RDH8: variants seen among roughly 807,000 people sequenced by gnomAD.
RDH8 encodes the protein retinol dehydrogenase 8.
In RDH8, 14 loss-of-function variants were observed where a neutral mutation model predicts 22.3. The observed-to-expected ratio is 0.63, with a 90% CI of 0.42 to 0.98. The LOEUF (loss-of-function observed/expected upper bound fraction) is 0.98, where lower values mean the gene tolerates loss of function less well. Ranked by LOEUF, RDH8 falls within the 50% of genes least tolerant of loss-of-function variation. The pLI is 0.00. For synonymous variants in RDH8, 175 were observed against 171.7 expected (o/e 1.02, Z -0.15); for missense variants, 389 against 409.8 (o/e 0.95, Z 0.44).
At position 10,016,689 on chromosome 19, in the gene RDH8, C is replaced by T. The variant is rs534305032; in HGVS notation, c.104-368C>T. On this transcript the variant is annotated intron_variant, in intron 1 of 5. Coordinates refer to ENST00000591589, the MANE Select transcript of RDH8 (RefSeq NM_015725.4). ...ATCTCGCTATACTTCCCAGGCTGGT[C>T]TCAAACTCCTGGGGTCAAGCAATCC... 5.3e-5 allele frequency among the ~76,000 whole-genome samples: 8 copies of T among 151,812 alleles called. No homozygotes were observed. In the East Asian group the frequency reaches 1.6e-3, roughly 30 times the overall value.
chr19:10,015,707 T>G (rs929773637), intron 1 of RDH8, among the ~76,000 whole-genome samples: 12 of 151,532 alleles, frequency 7.9e-5, no homozygotes, highest in Non-Finnish European at 1.5e-4. Flanking sequence ...CCCAGCACTT[T>G]GGGAGGATGA....
intron 1 of RDH8, among the ~76,000 whole-genome samples, chr19:10,014,487 C>T (rs1345589830): frequency 3.3e-5 from 5 of 152,148 alleles, no homozygotes; most frequent in Non-Finnish European, 7.4e-5. Context: ...TCATTTAATC[C>T]TCACATCACA....
intron 1 of RDH8, among the ~76,000 whole-genome samples, chr19:10,014,754 C>G (rs928174536): frequency 2.0e-5 from 3 of 152,150 alleles, no homozygotes; most frequent in Non-Finnish European, 4.4e-5. Context: ...CCAGACCGGT[C>G]TCGAACTCCT....
chr19:10,016,458 C>T (rs1427618202), intron 1 of RDH8, among the ~76,000 whole-genome samples: 1 of 147,152 alleles, frequency 6.8e-6, no homozygotes, highest in Non-Finnish European at 1.5e-5. Context: ...CCAGGCCGCC[C>T]GGCCTTATTT....
chr19:10,020,984 C>A, intron 4 of RDH8, 182 bp downstream of exon 4: 1 of 637,082 alleles, frequency 1.6e-6, no homozygotes, highest in Non-Finnish European at 2.7e-6. Flanking sequence ...CCAGCCTGGG[C>A]AACATAGCGA....
Position 10,018,753 on chromosome 19 carries a change from GGT to G in RDH8, c.287_288del (p.Val96GlyfsTer16). On this transcript the variant is annotated frameshift_variant, in exon 3 of 6. Transcript: ENST00000591589. LOFTEE classifies it high-confidence loss of function. ...TAGTGAATAATGCTGGAATGGGCCT[GGT>G]GGGGCCCCTGGAGGGGCTCAGCCTT... The part of the protein sequence containing the change: ...VLVNNAGMGL[V>X]GPLEGLSLAA... 6.2e-7 allele frequency: 1 copy of G among 1,611,530 alleles called. No homozygotes were observed. Among genetic ancestry groups the G allele is most frequent in the Non-Finnish European group, 8.5e-7 (1 of 1,178,398 alleles).
intron 2 of RDH8, among the ~76,000 whole-genome samples, chr19:10,017,928 G>A (rs1344153622): frequency 1.3e-5 from 2 of 151,496 alleles, no homozygotes; most frequent in East Asian, 3.9e-4. Flanking sequence ...TTACAGGCAT[G>A]CACCACCACA....
At chr19:10,018,978 C>G in intron 3 of RDH8, 68 bp downstream of exon 3, 1 of 1,334,152 alleles carries the variant, frequency 7.5e-7, no homozygotes, top group Non-Finnish European at 1.0e-6. Context: ...GGGAGGATGG[C>G]GAATGGGTTT....
At chr19:10,019,577 T>C (rs542232392) in intron 3 of RDH8, among the ~76,000 whole-genome samples, 1 of 151,992 alleles carries the variant, frequency 6.6e-6, no homozygotes, top group East Asian at 1.9e-4. Context: ...GGCAGGTGGA[T>C]TACCCAAGAT....
intron 2 of RDH8, 139 bp downstream of exon 2, chr19:10,017,354 C>A: frequency 1.2e-6 from 1 of 864,290 alleles, no homozygotes; most frequent in Non-Finnish European, 1.6e-6. Flanking sequence ...ACCAGTTGGC[C>A]AAGAGGGGTA....
At chr19:10,021,070 G>C (rs933806069) in intron 4 of RDH8, 185 bp from the exon 5 acceptor site, 1 of 649,784 alleles carries the variant, frequency 1.5e-6, no homozygotes, top group Middle Eastern at 4.2e-4. Flanking sequence ...AGCTACTCAG[G>C]AGGCTGAGGC....
At chr19:10,020,340 A>AGGAGGGACGGAGGGAG (rs1447564849) in intron 3 of RDH8, among the ~76,000 whole-genome samples, 1 of 38,576 alleles carries the variant, frequency 2.6e-5, no homozygotes, top group Non-Finnish European at 4.6e-5. Context: ...GAAGGAAGGA[A>AGGAGGGACGGAGGGAG]GGAGGGAGGG....
intron 2 of RDH8, among the ~76,000 whole-genome samples, chr19:10,017,889 G>T (rs2087631315): frequency 6.6e-6 from 1 of 151,438 alleles, no homozygotes; most frequent in African/African-American, 2.4e-5. Flanking sequence ...CAAGTGATCC[G>T]CCCACCTCGA....
chr19:10,020,924 C>A, intron 4 of RDH8, 122 bp downstream of exon 4: 2 of 750,606 alleles, frequency 2.7e-6, no homozygotes, highest in South Asian at 1.6e-5. Context: ...GTAAGTCCAG[C>A]GTTTTGAGAG....
Position 10,021,531 on chromosome 19 carries a change from C to A in RDH8, c.721-3C>A, listed in dbSNP as rs778245456. On this transcript the variant is annotated splice_region_variant and splice_polypyrimidine_tract_variant and intron_variant, in intron 5 of 5. Coordinates refer to ENST00000591589, the MANE Select transcript of RDH8 (RefSeq NM_015725.4). ...CCCAGCGCTCAGGGCCTCCATTCTG[C>A]AGGCCATTGTCAACGTCATCAGCTC... 6.2e-7 allele frequency: 1 copy of A among 1,613,926 alleles called. No homozygotes were observed. The highest frequency in any genetic ancestry group is 8.5e-7 in the Non-Finnish European group (1 of 1,179,972).
chr19:10,020,369 G>GAAGGGAGGGAGGAAGA (rs2087649302), intron 3 of RDH8, among the ~76,000 whole-genome samples: 1 of 138,550 alleles, frequency 7.2e-6, no homozygotes, highest in African/African-American at 2.7e-5. Context: ...AGGAAGGAAG[G>GAAGGGAGGGAGGAAGA]AAGGGAGGGA....
In RDH8 at chr19:10,020,765, G is replaced by C. The variant is rs755753285; in HGVS notation, c.499G>C (p.Glu167Gln). The C allele has an allele frequency of 6.8e-6, 11 of 1,610,978 alleles. No individual in the cohort carries two copies. The highest frequency in any genetic ancestry group is 9.3e-6 in the Non-Finnish European group (11 of 1,178,482). Residue 167 changes from glutamate to glutamine, a missense_variant, in exon 4 of 6, where the codon GAA becomes CAA. Physicochemically the swap from Glu to Gln is conservative, Grantham distance 29. Coordinates refer to ENST00000591589, the MANE Select transcript of RDH8 (RefSeq NM_015725.4). ...CAAGTTCGCCCTGGAGGGATTCTTC[G>C]AAAGCCTCGCTATCCAGCTGCTGCA... Reference protein sequence around the residue: ...ASKFALEGFFESLAIQLLQFN... With the variant: ...ASKFALEGFFQSLAIQLLQFN...
At chr19:10,017,579 C>G (rs904586135) in intron 2 of RDH8, among the ~76,000 whole-genome samples, 9 of 152,142 alleles carry the variant, frequency 5.9e-5, no homozygotes, top group Admixed American at 2.6e-4. Context: ...ATCCCTTGAG[C>G]CCAGGAGTTT....
At chr19:10,015,277 C>A (rs1052147559) in intron 1 of RDH8, among the ~76,000 whole-genome samples, 8 of 151,852 alleles carry the variant, frequency 5.3e-5, no homozygotes, top group African/African-American at 9.7e-5. Context: ...CATGGTGAAA[C>A]CCCGTCTCTA....
Sources: gnomAD v4.1 joint callset for allele counts (sites outside exome capture counted in the v4.1 genomes callset) on GRCh38, gnomAD v4.1.1 for gene constraint, MANE v1.5 for transcripts, NCBI Gene and HGNC (gene_info 2026-07-23, HGNC 2026-07-21) for gene names.